The following SH3BGRL2 variants were observed in gnomAD, a reference collection of about 807,000 sequenced individuals.
SH3BGRL2 encodes SH3 domain binding glutamate rich protein like 2.
Under a neutral mutation model 14.8 loss-of-function variants are expected in SH3BGRL2, and 21 were observed. The observed-to-expected ratio is 1.42, with a 90% CI of 1.01 to 2.05. SH3BGRL2 has a LOEUF of 2.05. Ranked by LOEUF, SH3BGRL2 falls within the 30% of genes most tolerant of loss-of-function variation. The pLI is 0.00. For missense variants in SH3BGRL2, 147 were observed against 130.8 expected (o/e 1.12, Z -0.61); for synonymous variants, 50 against 47.8 (o/e 1.05, Z -0.19).
chr6:79,604,765 AC>A, the SH3BGRL2 span, among the ~76,000 whole-genome samples: 1 of 152,202 alleles, frequency 6.6e-6, no homozygotes, highest in Non-Finnish European at 1.5e-5. Context: ...ATCTGAGCAC[AC>A]ACAGAAACAT....
At chr6:79,569,106 T>C in the SH3BGRL2 span, among the ~76,000 whole-genome samples, 7 of 152,254 alleles carry the variant, frequency 4.6e-5, no homozygotes, top group Admixed American at 1.3e-4. Context: ...ACGATGTACA[T>C]TGTAAGATGT....
At chr6:79,571,278 A>G in the SH3BGRL2 span, among the ~76,000 whole-genome samples, 1 of 152,190 alleles carries the variant, frequency 6.6e-6, no homozygotes, top group African/African-American at 2.4e-5. Flanking sequence ...GGACATTGCC[A>G]CTTGTTTATC....
intron 1 of SH3BGRL2, among the ~76,000 whole-genome samples, chr6:79,656,720 A>C (rs1420833468): frequency 1.3e-5 from 2 of 152,234 alleles, no homozygotes; most frequent in African/African-American, 2.4e-5. Flanking sequence ...GGTGATTTAG[A>C]GTATAAGGGA....
the SH3BGRL2 span, among the ~76,000 whole-genome samples, chr6:79,566,589 T>C: frequency 6.6e-6 from 1 of 152,192 alleles, no homozygotes; most frequent in Admixed American, 6.5e-5. Flanking sequence ...CATGATAAAT[T>C]ATAAAATCTT....
intron 1 of SH3BGRL2, among the ~76,000 whole-genome samples, chr6:79,670,910 CATTT>C (rs998584652): frequency 8.5e-5 from 13 of 152,202 alleles, no homozygotes; most frequent in Admixed American, 7.2e-4. Context: ...TGTTTTCATT[CATTT>C]AAGTGAAGCC....
intron 2 of SH3BGRL2, among the ~76,000 whole-genome samples, chr6:79,674,095 T>A (rs1443951084): frequency 2.0e-5 from 3 of 151,970 alleles, no homozygotes; most frequent in Non-Finnish European, 4.4e-5. Flanking sequence ...TGTATGTGTG[T>A]ATGTATGTAT....
the SH3BGRL2 span, among the ~76,000 whole-genome samples, chr6:79,620,020 A>G: frequency 7.7e-3 from 1,173 of 152,290 alleles, 19 homozygotes; most frequent in African/African-American, 0.027. Flanking sequence ...AAATGTGTGT[A>G]TGTGAATTCT....
At chr6:79,549,869 A>G in the SH3BGRL2 span, among the ~76,000 whole-genome samples, 1 of 152,246 alleles carries the variant, frequency 6.6e-6, no homozygotes, top group Non-Finnish European at 1.5e-5. Context: ...TCAGTGGGCT[A>G]CTGACAAAAA....
intron 2 of SH3BGRL2, among the ~76,000 whole-genome samples, chr6:79,694,381 A>C (rs1562160229): frequency 6.6e-6 from 1 of 152,256 alleles, no homozygotes; most frequent in South Asian, 2.1e-4. Flanking sequence ...TTGAACTCTC[A>C]TGAGGGAATT....
intron 1 of SH3BGRL2, among the ~76,000 whole-genome samples, chr6:79,633,832 A>G (rs979188115): frequency 1.3e-5 from 2 of 152,198 alleles, no homozygotes; most frequent in Middle Eastern, 3.2e-3. Flanking sequence ...AAGAATAATG[A>G]TTTCTAAGAA....
the SH3BGRL2 span, among the ~76,000 whole-genome samples, chr6:79,615,817 C>CTTT: frequency 6.4e-5 from 8 of 124,204 alleles, no homozygotes; most frequent in Non-Finnish European, 9.8e-5. Flanking sequence ...CCACTCCTGC[C>CTTT]TTTTTTTTTT....
intron 2 of SH3BGRL2, among the ~76,000 whole-genome samples, chr6:79,677,849 A>C (rs1370914329): frequency 1.3e-5 from 2 of 152,166 alleles, no homozygotes; most frequent in Non-Finnish European, 2.9e-5. Flanking sequence ...TTCTCTGAGA[A>C]TGTGGGTGAT....
the SH3BGRL2 span, among the ~76,000 whole-genome samples, chr6:79,544,266 T>C: frequency 6.6e-6 from 1 of 152,086 alleles, no homozygotes; most frequent in Non-Finnish European, 1.5e-5. Flanking sequence ...AGCAAGCCAA[T>C]GGAGTTTTAA....
At chr6:79,669,001 T>C (rs763181128) in intron 1 of SH3BGRL2, among the ~76,000 whole-genome samples, 18 of 152,222 alleles carry the variant, frequency 1.2e-4, no homozygotes, top group Non-Finnish European at 1.2e-4. Context: ...TTGGGCTAAA[T>C]GTAAGTTACA....
the SH3BGRL2 span, among the ~76,000 whole-genome samples, chr6:79,612,891 A>G: frequency 6.6e-6 from 1 of 152,228 alleles, no homozygotes; most frequent in Admixed American, 6.5e-5. Flanking sequence ...TATTGATTTA[A>G]TGAATTCAGC....
chr6:79,676,379 G>A (rs1164070334), intron 2 of SH3BGRL2, among the ~76,000 whole-genome samples: 1 of 152,084 alleles, frequency 6.6e-6, no homozygotes, highest in African/African-American at 2.4e-5. Flanking sequence ...CAATTTTTCT[G>A]TTTTCTGCTT....
intron 2 of SH3BGRL2, among the ~76,000 whole-genome samples, chr6:79,675,031 A>G (rs1769852899): frequency 6.6e-6 from 1 of 152,128 alleles, no homozygotes; most frequent in Non-Finnish European, 1.5e-5. Context: ...GGTGTATTTT[A>G]TTCATGATTA....
At chr6:79,584,954 C>G in the SH3BGRL2 span, among the ~76,000 whole-genome samples, 1 of 151,464 alleles carries the variant, frequency 6.6e-6, no homozygotes, top group Non-Finnish European at 1.5e-5. Flanking sequence ...CTAAAACACC[C>G]TAAATTGTAA....
intron 1 of SH3BGRL2, among the ~76,000 whole-genome samples, chr6:79,635,144 G>C (rs962979259): frequency 2.6e-5 from 4 of 152,206 alleles, no homozygotes; most frequent in African/African-American, 9.7e-5. Flanking sequence ...CTAGTTGTGT[G>C]ATTTCAGAAG....
Sources: gnomAD v4.1 joint callset for allele counts (sites outside exome capture counted in the v4.1 genomes callset) on GRCh38, gnomAD v4.1.1 for gene constraint, MANE v1.5 for transcripts, NCBI Gene and HGNC (gene_info 2026-07-23, HGNC 2026-07-21) for gene names.